Variants in CLEC19A observed in about 807,000 individuals in gnomAD.
The protein encoded by CLEC19A is C-type lectin domain family 19 member A.
CLEC19A carries 21 observed loss-of-function variants against 26.1 expected under a neutral mutation model. The observed-to-expected ratio is 0.80, with a 90% CI of 0.57 to 1.16. The LOEUF (loss-of-function observed/expected upper bound fraction) is 1.16. CLEC19A is among the 50% of genes most tolerant of loss of function. The pLI is 0.00. For synonymous variants in CLEC19A, 89 were observed against 88.6 expected (o/e 1.00, Z -0.03); for missense variants, 224 against 227.6 (o/e 0.98, Z 0.10).
At chr16:19,303,243 C>T (rs184408485) in intron 2 of CLEC19A, among the ~76,000 whole-genome samples, 36 of 152,334 alleles carry the variant, frequency 2.4e-4, no homozygotes, top group African/African-American at 8.4e-4. Context: ...TTCTCTACCT[C>T]TCTGTTTATC....
chr16:19,303,128 G>A (rs1375153302), intron 2 of CLEC19A, among the ~76,000 whole-genome samples: 1 of 152,180 alleles, frequency 6.6e-6, no homozygotes, highest in South Asian at 2.1e-4. Context: ...TGGTTGTTGT[G>A]AGAACGAAAT....
At chr16:19,287,703 C>T (rs1219215187) in intron 1 of CLEC19A, among the ~76,000 whole-genome samples, 1 of 152,116 alleles carries the variant, frequency 6.6e-6, no homozygotes, top group African/African-American at 2.4e-5. Context: ...TAGCTTGTGC[C>T]CATGGGACCT....
intron 1 of CLEC19A, among the ~76,000 whole-genome samples, chr16:19,286,688 C>T (rs1897477181): frequency 6.6e-6 from 1 of 152,216 alleles, no homozygotes; most frequent in African/African-American, 2.4e-5. Context: ...TCTTGACTGT[C>T]ACCTCTACCA....
At chr16:19,307,403 ATAGCAG>A in intron 3 of CLEC19A, 136 bp from the exon 4 acceptor site, 1 of 855,936 alleles carries the variant, frequency 1.2e-6, no homozygotes, top group South Asian at 1.8e-5. Flanking sequence ...GTAGTGCCAG[ATAGCAG>A]TAGCCTCAAT....
rs763933490 is a variant in CLEC19A, at chr16:19,307,625, C to T, written c.429C>T (p.His143=). The change falls in exon 4 of 5, where the codon CAC becomes CAT. Residue 143 remains histidine (H), a synonymous_variant. Transcript: ENST00000636231. The part of the protein sequence containing the change: ...WDGSQPDDGV[H]ADPEEEDCVQ... ...GCAGCCAGCCAGATGATGGCGTCCA[C>T]GCGGACCCAGAAGAAGAGGACTGCG... The T allele has an allele frequency of 9.8e-5, 151 of 1,548,194 alleles. No individual in the cohort carries two copies. Among genetic ancestry groups the T allele is most frequent in the African/African-American group, 1.2e-4 (9 of 72,942 alleles).
At chr16:19,290,018 A>G (rs1461166480) in intron 1 of CLEC19A, among the ~76,000 whole-genome samples, 1 of 152,012 alleles carries the variant, frequency 6.6e-6, no homozygotes, top group Non-Finnish European at 1.5e-5. Flanking sequence ...GGGTCCCAAG[A>G]CTGATCTGGG....
chr16:19,305,443 T>C (rs535652954), intron 3 of CLEC19A, among the ~76,000 whole-genome samples: 12 of 152,192 alleles, frequency 7.9e-5, no homozygotes, highest in Non-Finnish European at 1.5e-4. Flanking sequence ...ATCTCTGCAA[T>C]GTCACAGCAA....
chr16:19,290,985 T>C (rs1206525348), intron 1 of CLEC19A, among the ~76,000 whole-genome samples: 2 of 152,166 alleles, frequency 1.3e-5, no homozygotes, highest in Admixed American at 6.5e-5. Context: ...ACTACAGGCA[T>C]GTGCCACCAC....
At chr16:19,290,648 G>A (rs756060998) in intron 1 of CLEC19A, among the ~76,000 whole-genome samples, 2 of 152,100 alleles carry the variant, frequency 1.3e-5, no homozygotes, top group Non-Finnish European at 2.9e-5. Context: ...TCATGACGCC[G>A]TGTCATAATC....
At chr16:19,306,652 G>A (rs1198160366) in intron 3 of CLEC19A, among the ~76,000 whole-genome samples, 1 of 152,080 alleles carries the variant, frequency 6.6e-6, no homozygotes, top group Non-Finnish European at 1.5e-5. Flanking sequence ...TCAGAGCTGG[G>A]CACCATGTGT....
At chr16:19,291,738 G>A (rs1350470652) in intron 1 of CLEC19A, among the ~76,000 whole-genome samples, 1 of 152,172 alleles carries the variant, frequency 6.6e-6, no homozygotes, top group Non-Finnish European at 1.5e-5. Flanking sequence ...AGGAGGAGGG[G>A]GAAATGCCGT....
chr16:19,303,363 A>G (rs892078561), intron 2 of CLEC19A, among the ~76,000 whole-genome samples: 1 of 152,180 alleles, frequency 6.6e-6, no homozygotes, highest in African/African-American at 2.4e-5. Flanking sequence ...CCATTCATTC[A>G]TCAATCTATC....
intron 2 of CLEC19A, 43 bp from the exon 3 acceptor site, chr16:19,304,019 A>C: frequency 6.8e-7 from 1 of 1,473,324 alleles, no homozygotes; most frequent in Non-Finnish European, 9.2e-7. Context: ...TCCTATGAAA[A>C]GAGGCCATGA....
chr16:19,303,994 C>A, intron 2 of CLEC19A, 68 bp from the exon 3 acceptor site: 1 of 1,326,014 alleles, frequency 7.5e-7, no homozygotes, highest in East Asian at 2.5e-5. Flanking sequence ...GGATTGCTTT[C>A]AATTTTTGAC....
At chr16:19,301,882 C>T (rs1359465923) in intron 2 of CLEC19A, among the ~76,000 whole-genome samples, 2 of 151,642 alleles carry the variant, frequency 1.3e-5, no homozygotes, top group African/African-American at 2.4e-5. Context: ...TGAGCCACCG[C>T]GCCCGGCCTC....
At chr16:19,300,232 A>AT (rs1472945792) in intron 2 of CLEC19A, among the ~76,000 whole-genome samples, 9 of 151,604 alleles carry the variant, frequency 5.9e-5, no homozygotes, top group African/African-American at 2.2e-4. Context: ...TCAAAAATAA[A>AT]TAAATAAATA....
intron 2 of CLEC19A, among the ~76,000 whole-genome samples, chr16:19,301,108 A>G (rs1179017193): frequency 6.6e-6 from 1 of 152,244 alleles, no homozygotes; most frequent in African/African-American, 2.4e-5. Context: ...TAGCCTGTAG[A>G]GGAAAATGAG....
Position 19,285,804 on chromosome 16 carries a change from G to A in CLEC19A, c.-48G>A, listed in dbSNP as rs969460100. 5 of 1,517,894 alleles carry A rather than the reference G, an allele frequency of 3.3e-6. No homozygotes were observed. The highest frequency in any genetic ancestry group is 2.8e-5 in the African/African-American group (2 of 72,414). The allele number at this position is 1,517,894 out of a possible 1,614,324, so 94.0% of individuals were successfully genotyped here. Reference sequence around the variant, plus strand: ...CCTGGACCCAAGCTCCAGCCAAAAAGCCTCTCTCCTCCACTCAGGCTGGGA... The same window carrying A: ...CCTGGACCCAAGCTCCAGCCAAAAAACCTCTCTCCTCCACTCAGGCTGGGA... On this transcript the variant is annotated 5_prime_UTR_variant, in exon 1 of 5. Transcript: ENST00000636231.
intron 1 of CLEC19A, among the ~76,000 whole-genome samples, chr16:19,291,090 GC>G (rs1254641806): frequency 6.6e-6 from 1 of 152,160 alleles, no homozygotes; most frequent in Admixed American, 6.5e-5. Flanking sequence ...CGATCCTCCT[GC>G]CTTTGCCTCC....
Sources: gnomAD v4.1 joint callset for allele counts (sites outside exome capture counted in the v4.1 genomes callset) on GRCh38, gnomAD v4.1.1 for gene constraint, MANE v1.5 for transcripts, NCBI Gene and HGNC (gene_info 2026-07-23, HGNC 2026-07-21) for gene names.